Variants in VAV3 observed in about 807,000 individuals in gnomAD.
VAV3 encodes guanine nucleotide exchange factor VAV3.
In VAV3, 94 loss-of-function variants were observed where a neutral mutation model predicts 131.2. The ratio of observed to expected loss-of-function variants is 0.72; its 90% CI spans 0.61 to 0.85. VAV3 has a LOEUF of 0.85. Ranked by LOEUF, VAV3 falls within the 40% of genes least tolerant of loss-of-function variation. VAV3 has a pLI of 0.00. For synonymous variants in VAV3, 349 were observed against 342.0 expected, an observed-to-expected ratio of 1.02 and a Z score of -0.22; for missense variants, 939 against 1,002.7, an observed-to-expected ratio of 0.94 and a Z score of 0.86.
intron 17 of VAV3, among the ~76,000 whole-genome samples, chr1:107,698,953 A>C (rs1382401325): frequency 6.6e-6 from 1 of 152,040 alleles, no homozygotes; most frequent in Non-Finnish European, 1.5e-5. Context: ...CCCTCCCTTG[A>C]TATGTGGGGA....
chr1:107,660,975 G>GTA (rs1295822985), intron 19 of VAV3, among the ~76,000 whole-genome samples: 1 of 151,912 alleles, frequency 6.6e-6, no homozygotes, highest in East Asian at 1.9e-4. Context: ...AAGCAGCAGT[G>GTA]TATACAAGAT....
At chr1:107,803,028 G>T (rs530376327) in intron 2 of VAV3, among the ~76,000 whole-genome samples, 11 of 151,822 alleles carry the variant, frequency 7.2e-5, no homozygotes, top group Admixed American at 5.9e-4. Flanking sequence ...GCTCCTTATT[G>T]GTTTGCTGAA....
intron 19 of VAV3, among the ~76,000 whole-genome samples, chr1:107,680,227 CA>C (rs562511648): frequency 3.8e-4 from 56 of 146,232 alleles, no homozygotes; most frequent in African/African-American, 1.1e-3. Context: ...ATAATTTCAC[CA>C]AAAAAAAAAC....
intron 1 of VAV3, among the ~76,000 whole-genome samples, chr1:107,924,814 G>A (rs2101172001): frequency 6.6e-6 from 1 of 152,174 alleles, no homozygotes; most frequent in African/African-American, 2.4e-5. Context: ...ATTAAACATA[G>A]AACAACACAA....
At chr1:107,866,822 C>CAAAAAAAAAAAAAAAAA (rs66866060) in intron 2 of VAV3, among the ~76,000 whole-genome samples, 1 of 59,202 alleles carries the variant, frequency 1.7e-5, no homozygotes, top group African/African-American at 8.2e-5. Context: ...GACTCCATCT[C>CAAAAAAAAAAAAAAAAA]AAAAAAAAAA....
chr1:107,585,404 C>A (rs144713344), intron 25 of VAV3, among the ~76,000 whole-genome samples: 1 of 152,068 alleles, frequency 6.6e-6, no homozygotes, highest in East Asian at 1.9e-4. Context: ...CCTATTAAAA[C>A]TTTAAAGACA....
intron 1 of VAV3, among the ~76,000 whole-genome samples, chr1:107,917,320 C>A (rs867696127): frequency 6.6e-6 from 1 of 152,120 alleles, no homozygotes; most frequent in Admixed American, 6.5e-5. Context: ...TCACCACATA[C>A]CAGGGACCAC....
intron 2 of VAV3, among the ~76,000 whole-genome samples, chr1:107,859,950 A>G (rs1245312945): frequency 6.6e-6 from 1 of 152,190 alleles, no homozygotes; most frequent in Non-Finnish European, 1.5e-5. Flanking sequence ...TATATGTGAT[A>G]AAGATATTAT....
intron 19 of VAV3, among the ~76,000 whole-genome samples, chr1:107,663,643 A>G (rs1657199567): frequency 6.6e-6 from 1 of 152,242 alleles, no homozygotes; most frequent in Non-Finnish European, 1.5e-5. Flanking sequence ...AATTTGCAAA[A>G]TGAAGCATTT....
chr1:107,881,201 T>G (rs994094173), intron 1 of VAV3, among the ~76,000 whole-genome samples: 26 of 152,206 alleles, frequency 1.7e-4, no homozygotes, highest in African/African-American at 6.3e-4. Context: ...GACATTATCA[T>G]ATAATTTAAC....
intron 22 of VAV3, among the ~76,000 whole-genome samples, chr1:107,609,206 A>G (rs1025985434): frequency 1.3e-5 from 2 of 152,228 alleles, no homozygotes; most frequent in African/African-American, 4.8e-5. Context: ...ATTAGTTATT[A>G]TGACATCATG....
At chr1:107,753,466 GTGTA>G (rs1411251701) in intron 12 of VAV3, among the ~76,000 whole-genome samples, 1 of 136,884 alleles carries the variant, frequency 7.3e-6, no homozygotes, top group Non-Finnish European at 1.6e-5. Flanking sequence ...TAATGTGTGT[GTGTA>G]TGTATGTGTG....
intron 15 of VAV3, among the ~76,000 whole-genome samples, chr1:107,718,286 A>G (rs1399316515): frequency 6.6e-6 from 1 of 152,162 alleles, no homozygotes; most frequent in Non-Finnish European, 1.5e-5. Context: ...CACAGATGAC[A>G]TGATTATATA....
At chr1:107,736,237 C>A (rs1257352973) in intron 15 of VAV3, among the ~76,000 whole-genome samples, 1 of 152,046 alleles carries the variant, frequency 6.6e-6, no homozygotes, top group East Asian at 1.9e-4. Context: ...TATGACAAAC[C>A]CACAGCCAAT....
chr1:107,611,127 C>T (rs938177037), intron 21 of VAV3, among the ~76,000 whole-genome samples: 3 of 152,168 alleles, frequency 2.0e-5, no homozygotes, highest in African/African-American at 7.2e-5. Flanking sequence ...CATTCCACAT[C>T]CCTAATCCAA....
chr1:107,597,233 A>T (rs921895053), intron 24 of VAV3, among the ~76,000 whole-genome samples: 4 of 151,662 alleles, frequency 2.6e-5, no homozygotes, highest in Admixed American at 2.0e-4. Flanking sequence ...AAATAAAAAA[A>T]AAAAAACAGA....
At chr1:107,735,459 G>A (rs936050369) in intron 15 of VAV3, among the ~76,000 whole-genome samples, 4 of 152,070 alleles carry the variant, frequency 2.6e-5, no homozygotes, top group African/African-American at 7.2e-5. Flanking sequence ...TAGACCGCTA[G>A]CAAGACTAAT....
chr1:107,772,701 T>G, intron 5 of VAV3, 34 bp downstream of exon 5: 1 of 1,541,300 alleles, frequency 6.5e-7, no homozygotes, highest in Non-Finnish European at 8.9e-7. Context: ...AATAAAATAT[T>G]CAGAGTAACT....
chr1:107,662,237 T>A (rs1377664492), intron 19 of VAV3, among the ~76,000 whole-genome samples: 1 of 152,142 alleles, frequency 6.6e-6, no homozygotes, highest in Non-Finnish European at 1.5e-5. Context: ...ATGTACCTAG[T>A]CCCCTTCCTC....
Sources: gnomAD v4.1 joint callset for allele counts (sites outside exome capture counted in the v4.1 genomes callset) on GRCh38, gnomAD v4.1.1 for gene constraint, MANE v1.5 for transcripts, NCBI Gene and HGNC (gene_info 2026-07-23, HGNC 2026-07-21) for gene names.